The following CSMD1 variants were observed in gnomAD, a reference collection of about 807,000 sequenced individuals.
CSMD1 encodes the protein CUB and sushi domain-containing protein 1.
A neutral mutation model predicts 417.5 loss-of-function variants in CSMD1; 213 were observed. The ratio of observed to expected loss-of-function variants is 0.51; its 90% confidence interval spans 0.46 to 0.57. CSMD1 has a LOEUF of 0.57. Ranked by LOEUF, CSMD1 falls within the 20% of genes least tolerant of loss-of-function variation. The probability of loss-of-function intolerance (pLI) is 0.00; values close to 1 mark genes in which losing one functional copy is unlikely to be tolerated. For missense variants in CSMD1, 6,923 were observed against 4,529.7 expected (o/e 1.53, Z -15.17); for synonymous variants, 2,862 against 1,736.8 (o/e 1.65, Z -16.11).
intron 1 of CSMD1, among the ~76,000 whole-genome samples, chr8:4,916,203 C>G (rs895227705): frequency 6.6e-6 from 1 of 152,184 alleles, no homozygotes; most frequent in African/African-American, 2.4e-5. Context: ...CATTGTGAGG[C>G]AGCTCCGTAG....
rs141639589 is a variant in CSMD1, at chr8:3,668,424, T to C, written c.1009+39990A>G. 4.9e-4 allele frequency among the ~76,000 whole-genome samples: 75 copies of C among 152,178 alleles called. 1 individual carries two copies. In the East Asian group the frequency reaches 0.014, roughly 28 times the overall value. On this transcript the variant is annotated intron_variant, in intron 7 of 69. Transcript: ENST00000635120. The stretch of plus-strand genomic sequence containing the variant: ...TTTAAGATAACTCAGGTAGCTACAG[T>C]GTAAGCTGAAGAGATGAGGGTTTAT...
At position 4,354,452 on chromosome 8, in the gene CSMD1, G is replaced by A. The variant is rs374784993; in HGVS notation, c.415+65501C>T. Among the ~76,000 whole-genome samples the A allele has an allele frequency of 2.6e-4, 39 of 152,186 alleles. No individual in the cohort carries two copies. In the East Asian group the frequency reaches 3.5e-3, roughly 14 times the overall value. Reference sequence around the variant, plus strand: ...CTAGGAGAGAACACCAAACATCTGCGTTAGCTAAAATTATAATACATGGGG... The same window carrying A: ...CTAGGAGAGAACACCAAACATCTGCATTAGCTAAAATTATAATACATGGGG... On this transcript the variant is annotated intron_variant, in intron 3 of 69. Transcript: ENST00000635120.
intron 1 of CSMD1, among the ~76,000 whole-genome samples, chr8:4,839,142 T>C (rs557791635): frequency 2.0e-5 from 3 of 152,268 alleles, no homozygotes; most frequent in Non-Finnish European, 2.9e-5. Context: ...AAGCTGTGTG[T>C]CGTAACTAAA....
intron 12 of CSMD1, among the ~76,000 whole-genome samples, chr8:3,418,840 C>T (rs1173556244): frequency 6.6e-6 from 1 of 152,080 alleles, no homozygotes; most frequent in African/African-American, 2.4e-5. Context: ...TAGAATTTTT[C>T]CTTTTTAATA....
intron 2 of CSMD1, among the ~76,000 whole-genome samples, chr8:4,457,167 C>T (rs570944871): frequency 3.0e-4 from 46 of 151,992 alleles, no homozygotes; most frequent in African/African-American, 9.7e-4. Flanking sequence ...TTGGGTTTTA[C>T]GGACCTAGAT....
chr8:3,522,627 C>T (rs1797554370), intron 10 of CSMD1, among the ~76,000 whole-genome samples: 1 of 151,934 alleles, frequency 6.6e-6, no homozygotes, highest in Non-Finnish European at 1.5e-5. Flanking sequence ...GGTAGATGAT[C>T]ACATGGCAGT....
chr8:4,540,399 C>T (rs1183288208), intron 2 of CSMD1, among the ~76,000 whole-genome samples: 1 of 152,118 alleles, frequency 6.6e-6, no homozygotes, highest in East Asian at 1.9e-4. Context: ...ATAACAACAA[C>T]CGCGAAAATC....
chr8:3,962,342 T>A (rs903273226), intron 5 of CSMD1, among the ~76,000 whole-genome samples: 3 of 152,080 alleles, frequency 2.0e-5, no homozygotes, highest in African/African-American at 7.2e-5. Context: ...AGGATTAAGA[T>A]CCCAAGTACA....
intron 5 of CSMD1, among the ~76,000 whole-genome samples, chr8:3,906,044 G>A (rs926750302): frequency 1.3e-5 from 2 of 152,080 alleles, no homozygotes; most frequent in African/African-American, 4.8e-5. Context: ...ACCCTAAATA[G>A]CGAGAGGAGG....
chr8:4,133,630 C>A (rs79896962), intron 3 of CSMD1, among the ~76,000 whole-genome samples: 16 of 152,010 alleles, frequency 1.1e-4, no homozygotes, highest in African/African-American at 3.6e-4. Flanking sequence ...ACTAGCAATG[C>A]GAAGAGGAAA....
chr8:4,134,031 A>G (rs1585388894), intron 3 of CSMD1, among the ~76,000 whole-genome samples: 1 of 152,218 alleles, frequency 6.6e-6, no homozygotes, highest in Admixed American at 6.5e-5. Context: ...ATTTTTTTAA[A>G]CATTTAAATG....
intron 1 of CSMD1, among the ~76,000 whole-genome samples, chr8:4,810,882 T>C (rs561562375): frequency 1.3e-5 from 2 of 152,190 alleles, no homozygotes; most frequent in African/African-American, 4.8e-5. Context: ...GTAACAGCCT[T>C]GTGTCTGAAT....
rs369001019 is a variant in CSMD1 at position 3,018,516 on chromosome 8, C to G, written c.7990G>C (p.Ala2664Pro). Residue 2664 changes from alanine (A) to proline (P), a missense_variant, in exon 52 of 70, where the codon GCA (alanine) becomes CCA (proline). Ala to Pro is a conservative substitution (Grantham distance 27, BLOSUM62 -1). Transcript: ENST00000635120. Reference protein sequence around the residue: ...LVGSHVRECLANGLWSGSETR... With the variant: ...LVGSHVRECLPNGLWSGSETR... ...TCGCTGCCGCTCCAGAGCCCATTTG[C>G]CAAGCACTCTCTGACATGAGACCCC... is the stretch of plus-strand genomic sequence containing the variant. 1.2e-5 allele frequency: 20 copies of G among 1,613,584 alleles called. No individual in the cohort carries two copies. The African/African-American group carries it at 1.3e-4, about 11-fold the overall frequency.
chr8:3,467,939 G>C (rs546668482), intron 12 of CSMD1, among the ~76,000 whole-genome samples: 2 of 152,156 alleles, frequency 1.3e-5, no homozygotes, highest in African/African-American at 2.4e-5. Flanking sequence ...ATAAAATACA[G>C]TTCCAACAGC....
At chr8:4,672,799 C>A (rs1232076760) in intron 1 of CSMD1, among the ~76,000 whole-genome samples, 1 of 151,886 alleles carries the variant, frequency 6.6e-6, no homozygotes, top group Admixed American at 6.5e-5. Context: ...TACTTACACT[C>A]ACATGCATGG....
At chr8:3,593,192 C>G (rs906427190) in intron 8 of CSMD1, among the ~76,000 whole-genome samples, 1 of 152,186 alleles carries the variant, frequency 6.6e-6, no homozygotes, top group African/African-American at 2.4e-5. Context: ...CATGTTTCCC[C>G]ACCATACTTG....
At chr8:3,148,673 A>C (rs1403855308) in intron 40 of CSMD1, among the ~76,000 whole-genome samples, 4 of 152,214 alleles carry the variant, frequency 2.6e-5, no homozygotes, top group African/African-American at 9.7e-5. Context: ...GTTGAAAGCT[A>C]GGTAGTAAAA....
chr8:4,801,216 C>T (rs1049870503), intron 1 of CSMD1, among the ~76,000 whole-genome samples: 2 of 152,182 alleles, frequency 1.3e-5, no homozygotes, highest in African/African-American at 4.8e-5. Context: ...TTAGCTAAAT[C>T]TTATTGCGGC....
intron 26 of CSMD1, among the ~76,000 whole-genome samples, chr8:3,271,132 C>A (rs577008308): frequency 1.9e-3 from 276 of 142,826 alleles, no homozygotes; most frequent in South Asian, 5.0e-3. Context: ...CCTGTGTTCA[C>A]GTGTTCTCAT....
Sources: gnomAD v4.1 joint callset for allele counts (sites outside exome capture counted in the v4.1 genomes callset) on GRCh38, gnomAD v4.1.1 for gene constraint, MANE v1.5 for transcripts, NCBI Gene and HGNC (gene_info 2026-07-23, HGNC 2026-07-21) for gene names.